The following MECOM variants were observed in gnomAD, a reference collection of about 807,000 sequenced individuals.
MECOM encodes the protein histone-lysine N-methyltransferase MECOM.
MECOM carries 13 observed loss-of-function variants against 116.3 expected under a neutral mutation model. That is an observed-to-expected ratio of 0.11 (90% confidence interval 0.07 to 0.18). The LOEUF is 0.18. Ranked by LOEUF, MECOM falls within the 10% of genes least tolerant of loss-of-function variation. The probability of loss-of-function intolerance (pLI) is 1.00; values close to 1 mark genes in which losing one functional copy is unlikely to be tolerated. For missense variants in MECOM, 1,299 were observed against 1,509.0 expected, an observed-to-expected ratio of 0.86 and a Z score of 2.31; for synonymous variants, 528 against 535.2, an observed-to-expected ratio of 0.99 and a Z score of 0.19.
intron 2 of MECOM, among the ~76,000 whole-genome samples, chr3:169,208,286 T>C (rs1235786124): frequency 2.0e-5 from 3 of 148,488 alleles, no homozygotes; most frequent in Non-Finnish European, 4.5e-5. Context: ...CAATGTTATA[T>C]TACATTATAT....
intron 2 of MECOM, among the ~76,000 whole-genome samples, chr3:169,302,639 T>G (rs1033042842): frequency 6.6e-6 from 1 of 151,990 alleles, no homozygotes; most frequent in South Asian, 2.1e-4. Context: ...CCGAGGCCGG[T>G]GGATCACTGA....
intron 2 of MECOM, among the ~76,000 whole-genome samples, chr3:169,248,374 T>C (rs1755844651): frequency 6.6e-6 from 1 of 152,218 alleles, no homozygotes; most frequent in African/African-American, 2.4e-5. Context: ...AGATAGTAGA[T>C]GCTTAATCAT....
At position 169,501,689 on chromosome 3, in the gene MECOM, TC is replaced by T. The variant is rs1438747923; in HGVS notation, c.38-120166del. Among the ~76,000 whole-genome samples the T allele has an allele frequency of 1.2e-4, 19 of 152,216 alleles. No homozygotes were observed. In the Middle Eastern group the frequency reaches 0.014, roughly 109 times the overall value. ...TGACCAGGCTAGTCATTTACCAACTTCCTTTGCTTAAAATCTAATAAAGAAT... is the reference window on the plus strand; with the variant it reads ...TGACCAGGCTAGTCATTTACCAACTTCTTTGCTTAAAATCTAATAAAGAAT... On this transcript the variant is annotated intron_variant, in intron 1 of 16. Transcript: ENST00000651503.
Position 169,223,215 on chromosome 3 carries a change from G to A in MECOM, c.376-79383C>T, listed in dbSNP as rs890101507. Among the ~76,000 whole-genome samples the A allele has an allele frequency of 8.6e-5, 13 of 151,188 alleles. 1 individual carries two copies. Among genetic ancestry groups the A allele is most frequent in the Admixed American group, 8.5e-4 (13 of 15,206 alleles). ...ACATATGTATACATGTGCCATGTTG[G>A]TGTGCTGCACCCGTTGACTCGTCAT... On this transcript the variant is annotated intron_variant, in intron 2 of 16. Transcript: ENST00000651503.
chr3:169,515,100 G>A (rs938815164), intron 1 of MECOM, among the ~76,000 whole-genome samples: 8 of 152,046 alleles, frequency 5.3e-5, no homozygotes, highest in South Asian at 2.1e-4. Context: ...AGCTCCAAGC[G>A]GAGCTCCCAC....
At chr3:169,122,216 C>T (rs1466036752) in intron 6 of MECOM, among the ~76,000 whole-genome samples, 1 of 152,110 alleles carries the variant, frequency 6.6e-6, no homozygotes, top group Non-Finnish European at 1.5e-5. Flanking sequence ...GACTTCCTCA[C>T]AAATTGCTAT....
At chr3:169,181,130 C>G (rs566099838) in intron 2 of MECOM, among the ~76,000 whole-genome samples, 1 of 151,910 alleles carries the variant, frequency 6.6e-6, no homozygotes, top group Non-Finnish European at 1.5e-5. Flanking sequence ...GAATGAAAAA[C>G]AGAGATGCCC....
intron 2 of MECOM, among the ~76,000 whole-genome samples, chr3:169,299,684 C>T (rs1716335889): frequency 6.6e-6 from 1 of 152,108 alleles, no homozygotes; most frequent in Non-Finnish European, 1.5e-5. Flanking sequence ...CCATATATAT[C>T]AGCACACTGC....
chr3:169,236,206 A>G (rs1560028196), intron 2 of MECOM, among the ~76,000 whole-genome samples: 1 of 152,168 alleles, frequency 6.6e-6, no homozygotes, highest in Non-Finnish European at 1.5e-5. Context: ...CAGTAAATGC[A>G]TTTTTTATTT....
intron 1 of MECOM, among the ~76,000 whole-genome samples, chr3:169,563,867 T>C (rs1560437408): frequency 1.3e-5 from 2 of 152,308 alleles, no homozygotes; most frequent in East Asian, 3.9e-4. Context: ...TTCTCAGAAA[T>C]GTCAAGTGTA....
chr3:169,109,221 C>A (rs536868937), intron 9 of MECOM, among the ~76,000 whole-genome samples: 1 of 152,148 alleles, frequency 6.6e-6, no homozygotes, highest in African/African-American at 2.4e-5. Context: ...AATTTTCAAT[C>A]ACATATGCAG....
chr3:169,146,556 G>C, intron 2 of MECOM: 1 of 1,376,982 alleles, frequency 7.3e-7, no homozygotes, highest in Non-Finnish European at 9.7e-7. Context: ...GCCCGGCTTA[G>C]CAACGTAGAT....
At chr3:169,599,511 CA>C (rs535539075) in intron 1 of MECOM, among the ~76,000 whole-genome samples, 34,479 of 94,672 alleles carry the variant, frequency 0.36, 4,934 homozygotes, top group African/African-American at 0.57. Context: ...GACTCTGTCT[CA>C]AAAAAAAAAA....
chr3:169,443,958 G>C (rs1744177300), intron 1 of MECOM, among the ~76,000 whole-genome samples: 1 of 152,134 alleles, frequency 6.6e-6, no homozygotes, highest in Non-Finnish European at 1.5e-5. Flanking sequence ...ACTAAATAGA[G>C]AATTTCTTAT....
In MECOM at chr3:169,083,996, A is replaced by C. The variant is rs932439330; in HGVS notation, c.*913T>G. On this transcript the variant is annotated 3_prime_UTR_variant, in exon 17 of 17. Transcript: ENST00000651503. The stretch of plus-strand genomic sequence containing the variant: ...CAAACACCATTTGGCACTCTCATAC[A>C]CAGGTCGGGTCACCTTGGTCCTTGA... 2 of 230,302 alleles carry C rather than the reference A, an allele frequency of 8.7e-6. No homozygotes were observed. Among genetic ancestry groups the C allele is most frequent in the African/African-American group, 4.4e-5 (2 of 45,230 alleles). 14.3% of individuals were successfully genotyped at this position (230,302 alleles called of 1,614,324 possible).
intron 1 of MECOM, among the ~76,000 whole-genome samples, chr3:169,633,610 ACC>A (rs904426780): frequency 5.3e-5 from 8 of 152,072 alleles, no homozygotes; most frequent in African/African-American, 1.4e-4. Context: ...AGAATAATTC[ACC>A]CACACACACA....
chr3:169,139,197 T>C (rs1180554851), intron 3 of MECOM, among the ~76,000 whole-genome samples: 3 of 152,118 alleles, frequency 2.0e-5, no homozygotes, highest in African/African-American at 7.2e-5. Context: ...CATCAGGCAT[T>C]AGATAATCTC....
At chr3:169,109,418 T>C (rs1306768013) in intron 9 of MECOM, among the ~76,000 whole-genome samples, 1 of 3,592 alleles carries the variant, frequency 2.8e-4, no homozygotes, top group East Asian at 6.8e-3. Flanking sequence ...TTCATGTATC[T>C]TTTTTTTTTT....
chr3:169,200,024 G>C (rs1467649793), intron 2 of MECOM, among the ~76,000 whole-genome samples: 1 of 152,040 alleles, frequency 6.6e-6, no homozygotes, highest in Admixed American at 6.6e-5. Context: ...GTTGTGTTCT[G>C]TTTTAGGCAA....
Sources: gnomAD v4.1 joint callset for allele counts (sites outside exome capture counted in the v4.1 genomes callset) on GRCh38, gnomAD v4.1.1 for gene constraint, MANE v1.5 for transcripts, NCBI Gene and HGNC (gene_info 2026-07-23, HGNC 2026-07-21) for gene names.